CASK: variants seen among roughly 807,000 people sequenced by gnomAD.
CASK encodes calcium/calmodulin dependent serine protein kinase.
A neutral mutation model predicts 82.9 loss-of-function variants in CASK; 4 were observed. The ratio of observed to expected loss-of-function variants is 0.05; its 90% CI spans 0.02 to 0.11. CASK has a LOEUF of 0.11. CASK is among the 10% of genes least tolerant of loss of function. The pLI, the probability that CASK is intolerant of heterozygous loss-of-function variation, is 1.00. For synonymous variants in CASK, 259 were observed against 253.5 expected (o/e 1.02, Z -0.20); for missense variants, 358 against 720.9 (o/e 0.50, Z 5.76).
At chrX:41,547,924 C>T (rs1323972720) in intron 21 of CASK, among the ~76,000 whole-genome samples, 1 of 112,465 alleles carries the variant, frequency 8.9e-6, no homozygotes, top group African/African-American at 3.2e-5. Context: ...CGCCCAGTCC[C>T]TTGTATATTG....
At chrX:41,906,047 C>A (rs2072464716) in intron 1 of CASK, among the ~76,000 whole-genome samples, 1 of 112,418 alleles carries the variant, frequency 8.9e-6, no homozygotes, top group South Asian at 3.7e-4. Context: ...TAACCTATTT[C>A]AAAAGAACAT....
intron 15 of CASK, among the ~76,000 whole-genome samples, chrX:41,576,384 G>T (rs757409437): frequency 1.2e-4 from 13 of 110,925 alleles, no homozygotes; most frequent in African/African-American, 3.9e-4. Flanking sequence ...TCCTTCTTGT[G>T]GTCCCTTCTA....
At chrX:41,880,124 G>A (rs190345033) in intron 1 of CASK, among the ~76,000 whole-genome samples, 22 of 111,721 alleles carry the variant, frequency 2.0e-4, no homozygotes, top group African/African-American at 6.5e-4. Context: ...TAACAACACT[G>A]AGAGAGATCA....
At chrX:41,700,548 T>C (rs2067772634) in intron 5 of CASK, among the ~76,000 whole-genome samples, 1 of 106,171 alleles carries the variant, frequency 9.4e-6, no homozygotes, top group African/African-American at 3.4e-5. Context: ...TCCTAGATGA[T>C]ATATGAGAAA....
intron 24 of CASK, 26 bp from the exon 25 acceptor site, chrX:41,531,235 T>C: frequency 9.0e-7 from 1 of 1,116,667 alleles, no homozygotes; most frequent in Non-Finnish European, 1.2e-6. Flanking sequence ...GCACAAGAGG[T>C]TTAAAAGGCT....
chrX:41,782,739 C>T (rs1029775106), intron 3 of CASK, among the ~76,000 whole-genome samples: 1 of 111,923 alleles, frequency 8.9e-6, no homozygotes. Context: ...CCTTTTTTCT[C>T]TACTACACTG....
At chrX:41,768,792 A>G (rs2147788730) in intron 3 of CASK, among the ~76,000 whole-genome samples, 1 of 111,739 alleles carries the variant, frequency 8.9e-6, no homozygotes, top group African/African-American at 3.3e-5. Flanking sequence ...AGCAAGGGAG[A>G]GCCCATCTCT....
chrX:41,539,909 C>T (rs2064925732), intron 22 of CASK, among the ~76,000 whole-genome samples: 1 of 111,888 alleles, frequency 8.9e-6, no homozygotes, highest in African/African-American at 3.2e-5. Flanking sequence ...GGAATCTTCT[C>T]CCAAAAAGAG....
At chrX:41,785,517 C>T (rs190766752) in intron 3 of CASK, among the ~76,000 whole-genome samples, 4 of 112,098 alleles carry the variant, frequency 3.6e-5, no homozygotes, top group East Asian at 5.6e-4. Flanking sequence ...TTCCATTCAG[C>T]GCTTTTTAAG....
chrX:41,747,931 A>G (rs890669745), intron 3 of CASK, among the ~76,000 whole-genome samples: 1 of 112,389 alleles, frequency 8.9e-6, no homozygotes, highest in Non-Finnish European at 1.9e-5. Flanking sequence ...TACTACAGAG[A>G]GTAAATATTT....
intron 5 of CASK, chrX:41,729,781 A>AAT (rs55635208): frequency 0.13 from 4,855 of 38,384 alleles, 345 homozygotes; most frequent in Non-Finnish European, 0.14. Flanking sequence ...AAAAAAAAAA[A>AAT]ATATATATAT....
chrX:41,668,116 C>T (rs1385201749), intron 6 of CASK, among the ~76,000 whole-genome samples: 2 of 111,569 alleles, frequency 1.8e-5, no homozygotes, highest in African/African-American at 6.5e-5. Context: ...CTTGCTAGGT[C>T]CTAGATACCC....
intron 2 of CASK, 96 bp from the exon 3 acceptor site, chrX:41,787,379 T>TC: frequency 1.7e-6 from 1 of 571,774 alleles, no homozygotes; most frequent in Non-Finnish European, 3.1e-6. Context: ...GTAACATGGA[T>TC]ACTTCTCTAA....
intron 11 of CASK, among the ~76,000 whole-genome samples, chrX:41,611,986 C>T (rs2147286069): frequency 8.9e-6 from 1 of 112,439 alleles, no homozygotes; most frequent in African/African-American, 3.2e-5. Flanking sequence ...CAGATGGAGT[C>T]TGGTTCACTC....
intron 13 of CASK, 103 bp from the exon 14 acceptor site, chrX:41,587,090 C>A: frequency 9.8e-6 from 5 of 512,063 alleles, no homozygotes; most frequent in Non-Finnish European, 1.6e-5. Flanking sequence ...TTATGGCAGG[C>A]AAAACAATTA....
At chrX:41,678,528 A>G (rs1164805882) in intron 5 of CASK, among the ~76,000 whole-genome samples, 1 of 111,745 alleles carries the variant, frequency 8.9e-6, no homozygotes, top group Non-Finnish European at 1.9e-5. Context: ...TGATATATCT[A>G]TTGTATTGCA....
chrX:41,696,734 T>C (rs2067696790), intron 5 of CASK: 7 of 1,204,081 alleles, frequency 5.8e-6, no homozygotes, highest in Non-Finnish European at 6.7e-6. Flanking sequence ...CCCTGCATGA[T>C]ACATCTGTGG....
At chrX:41,806,601 T>C (rs1231173386) in intron 2 of CASK, among the ~76,000 whole-genome samples, 1 of 112,255 alleles carries the variant, frequency 8.9e-6, no homozygotes, top group Non-Finnish European at 1.9e-5. Flanking sequence ...TAAATGTTTA[T>C]CAAATGAGAT....
chrX:41,906,411 A>T (rs1038233052), intron 1 of CASK, among the ~76,000 whole-genome samples: 80 of 112,676 alleles, frequency 7.1e-4, no homozygotes, highest in African/African-American at 2.3e-3. Context: ...ATACTGCAGC[A>T]TAAGTACCCT....
Sources: gnomAD v4.1 joint callset for allele counts (sites outside exome capture counted in the v4.1 genomes callset) on GRCh38, gnomAD v4.1.1 for gene constraint, MANE v1.5 for transcripts, NCBI Gene and HGNC (gene_info 2026-07-23, HGNC 2026-07-21) for gene names.